The following NHSL1 variants were observed in gnomAD, a reference collection of about 807,000 sequenced individuals.
The protein encoded by NHSL1 is NHS like 1.
A neutral mutation model predicts 95.0 loss-of-function variants in NHSL1; 48 were observed. The observed-to-expected ratio is 0.51, with a 90% CI of 0.40 to 0.64. The LOEUF (loss-of-function observed/expected upper bound fraction) is 0.64. NHSL1 is among the 30% of genes least tolerant of loss of function. The pLI, the probability that NHSL1 is intolerant of heterozygous loss-of-function variation, is 0.00. For synonymous variants in NHSL1, 783 were observed against 833.9 expected (o/e 0.94, Z 1.05); for missense variants, 1,971 against 2,077.7 (o/e 0.95, Z 1.00).
In NHSL1 at chr6:138,422,894, C is replaced by T. The variant is rs994564636; in HGVS notation, c.*1187G>A. ...GTTTATTTGACTAACAAGAGCTATT[C>T]AGCATTTTCTTCAAAGTAAGATAAT... On this transcript the variant is annotated 3_prime_UTR_variant, in exon 8 of 8. Transcript: ENST00000343505. 3 of 151,910 alleles carry T rather than the reference C, an allele frequency of 2.0e-5. No homozygotes were observed. Among genetic ancestry groups the T allele is most frequent in the East Asian group, 3.9e-4 (2 of 5,182 alleles). The allele number at this position is 151,910 out of a possible 1,614,324, so 9.4% of individuals were successfully genotyped here. A position where few individuals can be genotyped will look rare whatever the true frequency, so the allele number is the denominator to read the frequency against.
At chr6:138,464,216 C>G in intron 3 of NHSL1, 1 of 773,712 alleles carries the variant, frequency 1.3e-6, no homozygotes, top group Non-Finnish European at 2.1e-6. Context: ...TGAGAGGCTG[C>G]TGGCCGCCAG....
chr6:138,610,240 C>T (rs967337007), intron 1 of NHSL1, among the ~76,000 whole-genome samples: 78 of 152,208 alleles, frequency 5.1e-4, no homozygotes, highest in African/African-American at 1.8e-3. Flanking sequence ...AGAAGACAAA[C>T]AAAATGTGAA....
At chr6:138,463,657 G>A (rs929075091) in intron 3 of NHSL1, among the ~76,000 whole-genome samples, 4 of 151,926 alleles carry the variant, frequency 2.6e-5, no homozygotes, top group African/African-American at 7.3e-5. Flanking sequence ...AGCCCCACAT[G>A]CATTAGGTAT....
intron 2 of NHSL1, among the ~76,000 whole-genome samples, chr6:138,484,891 G>C (rs1426770361): frequency 2.0e-5 from 3 of 152,172 alleles, no homozygotes; most frequent in Admixed American, 6.5e-5. Context: ...TGCCATTGCA[G>C]AAAACCAGCT....
At chr6:138,623,899 T>C (rs1242376870) in intron 1 of NHSL1, among the ~76,000 whole-genome samples, 1 of 152,200 alleles carries the variant, frequency 6.6e-6, no homozygotes, top group Non-Finnish European at 1.5e-5. Context: ...GATGGTTTTA[T>C]AAGCGTCTGG....
intron 2 of NHSL1, among the ~76,000 whole-genome samples, chr6:138,474,074 C>A (rs943324877): frequency 6.6e-6 from 1 of 152,088 alleles, no homozygotes; most frequent in Non-Finnish European, 1.5e-5. Flanking sequence ...TGCCATGGAT[C>A]TCGGGGTACT....
At chr6:138,639,886 CTT>C (rs35629338) in intron 1 of NHSL1, among the ~76,000 whole-genome samples, 27 of 123,188 alleles carry the variant, frequency 2.2e-4, no homozygotes, top group East Asian at 1.2e-3. Context: ...CAAATTTTAG[CTT>C]TTTTTTTTTT....
intron 1 of NHSL1, among the ~76,000 whole-genome samples, chr6:138,557,070 A>G (rs9495128): frequency 0.062 from 9,394 of 152,228 alleles, 963 homozygotes; most frequent in African/African-American, 0.21. Context: ...GAAAACTCGG[A>G]GTGATTTTTA....
At chr6:138,589,584 C>CA (rs1340282898) in intron 1 of NHSL1, among the ~76,000 whole-genome samples, 4 of 152,198 alleles carry the variant, frequency 2.6e-5, no homozygotes, top group African/African-American at 9.6e-5. Flanking sequence ...TCGCCTGTGA[C>CA]AGTCTCTCTA....
chr6:138,523,952 T>C (rs1428333922), intron 1 of NHSL1, among the ~76,000 whole-genome samples: 2 of 152,230 alleles, frequency 1.3e-5, no homozygotes, highest in Non-Finnish European at 2.9e-5. Context: ...GGGAATTTTA[T>C]GTGAATGATC....
intron 3 of NHSL1, among the ~76,000 whole-genome samples, chr6:138,463,620 A>C (rs533623861): frequency 1.3e-5 from 2 of 150,794 alleles, no homozygotes; most frequent in Admixed American, 1.3e-4. Context: ...GGTTTGCTGC[A>C]CCTATCAACC....
At chr6:138,571,841 C>T in exon 1 of NHSL1, 4 of 1,551,936 alleles carry the variant, frequency 2.6e-6, no homozygotes, top group African/African-American at 1.4e-5. Context: ...ATTTATCCAA[C>T]TTACAGCACG....
intron 1 of NHSL1, among the ~76,000 whole-genome samples, chr6:138,666,051 C>G (rs1425869520): frequency 6.6e-6 from 1 of 152,242 alleles, no homozygotes; most frequent in Non-Finnish European, 1.5e-5. Context: ...CGCCTGCAAT[C>G]CCAGCACTTT....
At chr6:138,629,420 T>C (rs1784787210) in intron 1 of NHSL1, among the ~76,000 whole-genome samples, 1 of 151,976 alleles carries the variant, frequency 6.6e-6, no homozygotes, top group South Asian at 2.1e-4. Flanking sequence ...CTCGCTCTTG[T>C]TGCCCAGGCT....
intron 3 of NHSL1, among the ~76,000 whole-genome samples, chr6:138,456,591 G>A (rs1777627293): frequency 6.6e-6 from 1 of 152,202 alleles, no homozygotes; most frequent in African/African-American, 2.4e-5. Flanking sequence ...ACTCATGATT[G>A]ATATCCTTTC....
intron 5 of NHSL1, among the ~76,000 whole-genome samples, chr6:138,439,490 G>A (rs563720269): frequency 2.6e-4 from 40 of 152,112 alleles, no homozygotes; most frequent in African/African-American, 9.2e-4. Flanking sequence ...GTAAAATACT[G>A]GGAAAAAAGG....
At chr6:138,591,983 G>C (rs1417887629) in intron 1 of NHSL1, among the ~76,000 whole-genome samples, 1 of 152,148 alleles carries the variant, frequency 6.6e-6, no homozygotes, top group East Asian at 1.9e-4. Flanking sequence ...ATCCCTCATG[G>C]ATAAAGGGAG....
intron 1 of NHSL1, among the ~76,000 whole-genome samples, chr6:138,508,893 C>T (rs1288550196): frequency 6.6e-6 from 1 of 152,144 alleles, no homozygotes; most frequent in Non-Finnish European, 1.5e-5. Flanking sequence ...ATACTTGAAC[C>T]AATTATTCTT....
chr6:138,629,357 T>C (rs1318801627), intron 1 of NHSL1, among the ~76,000 whole-genome samples: 1 of 152,078 alleles, frequency 6.6e-6, no homozygotes, highest in Non-Finnish European at 1.5e-5. Context: ...TGCCCAATAA[T>C]TTTACATCAG....
Sources: allele counts gnomAD v4.1 joint callset (sites outside exome capture counted in the v4.1 genomes callset), GRCh38; gene constraint gnomAD v4.1.1; transcripts MANE v1.5; gene names NCBI Gene and HGNC (gene_info 2026-07-23, HGNC 2026-07-21).